The following ZNF92 variants were observed in gnomAD, a reference collection of about 807,000 sequenced individuals.
The protein encoded by ZNF92 is zinc finger protein 92, also known as epididymis luminal protein 203.
Under a neutral mutation model 12.4 loss-of-function variants are expected in ZNF92, and 11 were observed. The ratio of observed to expected loss-of-function variants is 0.89; its 90% CI spans 0.56 to 1.47. ZNF92 has a LOEUF of 1.47. Among genes scored for constraint, ZNF92 ranks in the 40% most tolerant of loss-of-function variants. The pLI, the probability that ZNF92 is intolerant of heterozygous loss-of-function variation, is 0.00. For synonymous variants in ZNF92, 206 were observed against 228.6 expected, an observed-to-expected ratio of 0.90 and a Z score of 0.89; for missense variants, 622 against 681.0, an observed-to-expected ratio of 0.91 and a Z score of 0.96.
At chr7:65,378,539 G>A (rs1407068176) in intron 1 of ZNF92, among the ~76,000 whole-genome samples, 5 of 151,738 alleles carry the variant, frequency 3.3e-5, no homozygotes, top group Admixed American at 6.6e-5. Flanking sequence ...TCAGAAGACC[G>A]AGACCATCCT....
At chr7:65,379,151 T>C (rs1230637951) in intron 1 of ZNF92, among the ~76,000 whole-genome samples, 1 of 152,154 alleles carries the variant, frequency 6.6e-6, no homozygotes, top group African/African-American at 2.4e-5. Flanking sequence ...TTTTAAGCAG[T>C]AGCTAAGAAG....
At chr7:65,383,958 T>C (rs1466145204) in intron 1 of ZNF92, among the ~76,000 whole-genome samples, 1 of 152,160 alleles carries the variant, frequency 6.6e-6, no homozygotes, top group Non-Finnish European at 1.5e-5. Context: ...TCTGCTTTTG[T>C]CTCAGTGTAA....
At position 65,377,647 on chromosome 7, in the gene ZNF92, A is replaced by G. The variant is rs564301937; in HGVS notation, c.3+3647A>G. Among the ~76,000 whole-genome samples, 19 of 151,606 alleles carry G rather than the reference A, an allele frequency of 1.3e-4. 1 individual carries two copies. Among genetic ancestry groups the G allele is most frequent in the South Asian group, 4.2e-4 (2 of 4,794 alleles). On this transcript the variant is annotated intron_variant, in intron 1 of 3. Coordinates refer to ENST00000328747, the MANE Select transcript of ZNF92 (RefSeq NM_152626.4). ...AACGGCGCGATCTAGACTCACTGCA[A>G]CCTCCGCCTCCCGGGTTCAAGTGAT...
At chr7:65,395,152 C>T (rs1159460003) in intron 3 of ZNF92, among the ~76,000 whole-genome samples, 2 of 152,026 alleles carry the variant, frequency 1.3e-5, no homozygotes, top group East Asian at 3.9e-4. Context: ...GTCTCCTGTG[C>T]TCAAGTGATC....
intron 3 of ZNF92, among the ~76,000 whole-genome samples, chr7:65,395,680 G>A (rs1265864148): frequency 6.6e-6 from 1 of 152,048 alleles, no homozygotes; most frequent in Non-Finnish European, 1.5e-5. Flanking sequence ...AGAGTAGACA[G>A]TTATGGTAGT....
rs115841683 is a variant in ZNF92, at chr7:65,385,775, T to C, written c.4-2127T>C. On this transcript the variant is annotated intron_variant, in intron 1 of 3. Transcript: ENST00000328747. ...TGCCGACACCTTTAAAGCCATATTC[T>C]TAAGATTCAGGTGTAATTTCTCCAG... Among the ~76,000 whole-genome samples, 975 of 152,138 alleles carry C rather than the reference T, an allele frequency of 6.4e-3. 18 individuals are homozygous for C. Among genetic ancestry groups the C allele is most frequent in the African/African-American group, 0.022 (928 of 41,474 alleles).
chr7:65,390,636 AG>A (rs1224845214), intron 3 of ZNF92, among the ~76,000 whole-genome samples: 17 of 152,214 alleles, frequency 1.1e-4, no homozygotes, highest in African/African-American at 3.6e-4. Context: ...ACACTAGGGC[AG>A]GTTTCTGTAG....
intron 1 of ZNF92, among the ~76,000 whole-genome samples, chr7:65,374,805 G>A (rs1057108140): frequency 6.6e-6 from 1 of 151,750 alleles, no homozygotes; most frequent in Non-Finnish European, 1.5e-5. Flanking sequence ...CATCCACAGG[G>A]GACTGATTTT....
chr7:65,390,649 C>A (rs1341933020), intron 3 of ZNF92, among the ~76,000 whole-genome samples: 1 of 152,084 alleles, frequency 6.6e-6, no homozygotes, highest in Non-Finnish European at 1.5e-5. Context: ...TTTCTGTAGT[C>A]GGGTCTGCAT....
chr7:65,381,005 C>G (rs1793395926), intron 1 of ZNF92, among the ~76,000 whole-genome samples: 1 of 151,740 alleles, frequency 6.6e-6, no homozygotes, highest in Non-Finnish European at 1.5e-5. Context: ...CACATGTATG[C>G]TTTCTCTTTT....
chr7:65,375,107 C>A (rs188948550), intron 1 of ZNF92, among the ~76,000 whole-genome samples: 1 of 152,068 alleles, frequency 6.6e-6, no homozygotes, highest in Admixed American at 6.6e-5. Flanking sequence ...AAAGAATAAT[C>A]CCCTAACATT....
chr7:65,378,459 T>G (rs6968729), intron 1 of ZNF92, among the ~76,000 whole-genome samples: 1,577 of 151,996 alleles, frequency 0.01, 35 homozygotes, highest in African/African-American at 0.034. Context: ...AGAAGTATTT[T>G]TGGCCGGGCG....
chr7:65,373,855 G>A lies in ZNF92; in HGVS notation c.-143G>A. On this transcript the variant is annotated 5_prime_UTR_variant, in exon 1 of 4. Coordinates refer to ENST00000328747, the MANE Select transcript of ZNF92 (RefSeq NM_152626.4). Reference sequence around the variant, plus strand: ...GCTTCCGGGATTTGGCGGGGCCTTTGTCTCTCGCTGCAGCCGGCGCTCCAC... The same window carrying A: ...GCTTCCGGGATTTGGCGGGGCCTTTATCTCTCGCTGCAGCCGGCGCTCCAC... 8.7e-7 allele frequency: 1 copy of A among 1,150,944 alleles called. No homozygotes were observed. Among genetic ancestry groups the A allele is most frequent in the Non-Finnish European group, 1.3e-6 (1 of 768,734 alleles). The allele number at this position is 1,150,944 out of a possible 1,614,324, so 71.3% of individuals were successfully genotyped here.
chr7:65,388,163 C>G (rs1793623860), intron 2 of ZNF92, 135 bp downstream of exon 2: 1 of 999,676 alleles, frequency 1.0e-6, no homozygotes, highest in Admixed American at 2.8e-5. Context: ...AGAGATTTGT[C>G]AGTATAGAAA....
chr7:65,376,075 A>T (rs1170530525), intron 1 of ZNF92, among the ~76,000 whole-genome samples: 1 of 150,996 alleles, frequency 6.6e-6, no homozygotes, highest in East Asian at 2.0e-4. Flanking sequence ...ACCACACCCG[A>T]CTAGTGTTTT....
At position 65,399,468 on chromosome 7, in the gene ZNF92, C is replaced by T. The variant is rs1478462434; in HGVS notation, c.1354C>T (p.Pro452Ser). ...KHKRNHMEDK[P>S]YKCEECGKAF... is the part of the protein sequence containing the mutation. ...TAAGAGAAATCATATGGAAGATAAACCCTACAAATGTGAAGAATGTGGCAA... is the reference window on the plus strand; with the variant it reads ...TAAGAGAAATCATATGGAAGATAAATCCTACAAATGTGAAGAATGTGGCAA... Residue 452 changes from proline to serine, a missense_variant, in exon 4 of 4, where the codon CCC becomes TCC. Transcript: ENST00000328747. The T allele has an allele frequency of 3.7e-6, 6 of 1,613,360 alleles. No homozygotes were observed. The highest frequency in any genetic ancestry group is 3.3e-5 in the South Asian group (3 of 91,036).
chr7:65,375,805 G>T (rs1163368316), intron 1 of ZNF92, among the ~76,000 whole-genome samples: 1 of 151,818 alleles, frequency 6.6e-6, no homozygotes, highest in African/African-American at 2.4e-5. Context: ...CCAAGATCAT[G>T]CCACTGCACT....
intron 3 of ZNF92, among the ~76,000 whole-genome samples, chr7:65,391,602 A>G (rs896134142): frequency 6.6e-6 from 1 of 152,116 alleles, no homozygotes; most frequent in African/African-American, 2.4e-5. Flanking sequence ...TGTTTTATCT[A>G]TCAGAGGCAC....
chr7:65,376,320 C>T (rs1273732392), intron 1 of ZNF92, among the ~76,000 whole-genome samples: 1 of 152,040 alleles, frequency 6.6e-6, no homozygotes, highest in Non-Finnish European at 1.5e-5. Context: ...AAAGGTAAGA[C>T]ATATTTACAA....
Sources: allele counts gnomAD v4.1 joint callset (sites outside exome capture counted in the v4.1 genomes callset), GRCh38; gene constraint gnomAD v4.1.1; transcripts MANE v1.5; gene names NCBI Gene and HGNC (gene_info 2026-07-23, HGNC 2026-07-21).